The following UGT3A2 variants were observed in gnomAD, a reference collection of about 807,000 sequenced individuals.
UGT3A2 encodes UDP glycosyltransferase family 3 member A2, also known as UDP-glycosyltransferase 3A2.
In UGT3A2, 32 loss-of-function variants were observed where a neutral mutation model predicts 39.8. The observed-to-expected ratio is 0.80, with a 90% CI of 0.61 to 1.08. UGT3A2 has a LOEUF of 1.08. UGT3A2 is among the 50% of genes least tolerant of loss of function. The probability of loss-of-function intolerance (pLI) is 0.00; values close to 1 mark genes in which losing one functional copy is unlikely to be tolerated. For synonymous variants in UGT3A2, 241 were observed against 230.7 expected (o/e 1.04, Z -0.40); for missense variants, 611 against 637.1 (o/e 0.96, Z 0.44).
At chr5:36,062,577 G>A (rs1157634532) in intron 2 of UGT3A2, among the ~76,000 whole-genome samples, 1 of 151,390 alleles carries the variant, frequency 6.6e-6, no homozygotes, top group Non-Finnish European at 1.5e-5. Context: ...ATTTCTGAGG[G>A]CTCTGTTCTG....
At chr5:36,062,292 G>A (rs1231112601) in intron 2 of UGT3A2, among the ~76,000 whole-genome samples, 1 of 148,386 alleles carries the variant, frequency 6.7e-6, no homozygotes, top group East Asian at 2.0e-4. Context: ...ATTGCTTTTG[G>A]TGTTTTAGAC....
chr5:36,053,265 T>G (rs1742405663), intron 2 of UGT3A2, among the ~76,000 whole-genome samples: 7 of 152,208 alleles, frequency 4.6e-5, no homozygotes. Context: ...GTCCCTCACT[T>G]AAATTCCAAA....
At position 36,035,713 on chromosome 5, in the gene UGT3A2, C is replaced by T. The variant is rs769899242; in HGVS notation, c.1557G>A (p.Lys519=). ...MAVWWLRGAR[K]VKET ...GCACCTGGCCTTATGTCTCCTTCAC[C>T]TTTCTGGCCCCACGCAGCCACCAGA... Residue 519 remains lysine (K), a synonymous_variant, in exon 7 of 7, where the codon AAG becomes AAA. Transcript: ENST00000282507. The T allele has an allele frequency of 1.3e-5, 21 of 1,613,998 alleles. No individual in the cohort carries two copies. The Admixed American group carries it at 3.5e-4, about 27-fold the overall frequency.
At chr5:36,065,208 G>A (rs1474603819) in intron 1 of UGT3A2, among the ~76,000 whole-genome samples, 1 of 152,014 alleles carries the variant, frequency 6.6e-6, no homozygotes, top group Non-Finnish European at 1.5e-5. Context: ...AGAAGGTAAT[G>A]TAATAGTAAA....
chr5:36,064,563 C>T (rs992884220), intron 1 of UGT3A2, among the ~76,000 whole-genome samples: 15 of 152,136 alleles, frequency 9.9e-5, no homozygotes, highest in African/African-American at 3.4e-4. Flanking sequence ...GGCTCTGGTC[C>T]GTGAGAGATT....
chr5:36,044,973 G>A (rs1333877251), intron 4 of UGT3A2, among the ~76,000 whole-genome samples: 1 of 151,972 alleles, frequency 6.6e-6, no homozygotes, highest in Non-Finnish European at 1.5e-5. Context: ...CACAGAATGA[G>A]GAAAAATAAT....
At chr5:36,058,337 T>C (rs1018932775) in intron 2 of UGT3A2, among the ~76,000 whole-genome samples, 7 of 152,032 alleles carry the variant, frequency 4.6e-5, no homozygotes, top group African/African-American at 1.7e-4. Context: ...AACAGAGAAA[T>C]AGAATATGGT....
chr5:36,064,677 T>A (rs1742824412), intron 1 of UGT3A2, among the ~76,000 whole-genome samples: 1 of 152,154 alleles, frequency 6.6e-6, no homozygotes, highest in African/African-American at 2.4e-5. Context: ...ACTAAGGCCT[T>A]ATGGAGACAC....
Position 36,066,872 on chromosome 5 carries a change from C to T in UGT3A2, c.-83G>A. ...AAGGGACCCTGTGCACCTCAGTGCG[C>T]CAAAGGCACTGGCTGTGGGTAGAGG... On this transcript the variant is annotated 5_prime_UTR_variant, in exon 1 of 7. Transcript: ENST00000282507. 6.7e-7 allele frequency: 1 copy of T among 1,503,330 alleles called. No homozygotes were observed. Among genetic ancestry groups the T allele is most frequent in the East Asian group, 2.3e-5 (1 of 44,288 alleles). 93.1% of individuals were successfully genotyped at this position (1,503,330 alleles called of 1,614,324 possible).
chr5:36,066,761 A>T lies in UGT3A2; in HGVS notation c.29T>A (p.Val10Glu). MAGQRVLLL[V>E]GFLLPGVLLS... ...CAGGACCCCAGGGAGAAGGAAGCCC[A>T]CTAGAAGAAGCACTCGCTGCCCAGC... The change falls in exon 1 of 7, where the codon GTG (valine) becomes GAG (glutamate). Residue 10 changes from valine (V) to glutamate (E), a missense_variant. By Grantham distance (121) the Val-to-Glu change is moderately radical. Coordinates refer to ENST00000282507, the MANE Select transcript of UGT3A2 (RefSeq NM_174914.4). 6.2e-7 allele frequency: 1 copy of T among 1,614,208 alleles called. No homozygotes were observed. The highest frequency in any genetic ancestry group is 1.1e-5 in the South Asian group (1 of 91,090).
chr5:36,055,719 G>A (rs1742489817), intron 2 of UGT3A2, among the ~76,000 whole-genome samples: 1 of 152,020 alleles, frequency 6.6e-6, no homozygotes, highest in Admixed American at 6.6e-5. Flanking sequence ...CCAACTCCAT[G>A]TGCCTCCTCT....
rs1231893539 is a variant in UGT3A2 at position 36,039,476 on chromosome 5, C to T, written c.1075+1G>A. ...GAGGAGCAGTCCTGGGCAGCCCTTA[C>T]CCAGGAGGTCACTCTGAGGAAGCCA... On this transcript the variant is annotated splice_donor_variant, in intron 5 of 6. Coordinates refer to ENST00000282507, the MANE Select transcript of UGT3A2 (RefSeq NM_174914.4). LOFTEE classifies it high-confidence loss of function. 1.2e-6 allele frequency: 2 copies of T among 1,613,792 alleles called. No individual in the cohort carries two copies. Among genetic ancestry groups the T allele is most frequent in the Non-Finnish European group, 1.7e-6 (2 of 1,179,990 alleles).
At chr5:36,064,113 A>G in intron 2 of UGT3A2, 136 bp downstream of exon 2, 1 of 783,554 alleles carries the variant, frequency 1.3e-6, no homozygotes, top group South Asian at 2.0e-5. Context: ...GGCACTTTAC[A>G]TACACACACA....
At position 36,043,195 on chromosome 5, in the gene UGT3A2, A is replaced by G. The variant is rs1010408497; in HGVS notation, c.844-3487T>C. Among the ~76,000 whole-genome samples, 9 of 152,122 alleles carry G rather than the reference A, an allele frequency of 5.9e-5. 1 individual carries two copies. The highest frequency in any genetic ancestry group is 5.9e-4 in the Admixed American group (9 of 15,278). Reference sequence around the variant, plus strand: ...TATATCAACTACCTTCTTAGGCCACAATGGAATAAAACTATAAGTCAATAA... The same window carrying G: ...TATATCAACTACCTTCTTAGGCCACGATGGAATAAAACTATAAGTCAATAA... On this transcript the variant is annotated intron_variant, in intron 4 of 6. Coordinates refer to ENST00000282507, the MANE Select transcript of UGT3A2 (RefSeq NM_174914.4).
chr5:36,049,043 G>A lies in UGT3A2; in HGVS notation c.689C>T (p.Thr230Ile), dbSNP rs775070527. The change falls in exon 4 of 7, where the codon ACA (threonine) becomes ATA (isoleucine). Residue 230 changes from threonine to isoleucine, a missense_variant. Physicochemically the swap from Thr to Ile is moderately conservative, Grantham distance 89 (BLOSUM62 -1). Transcript: ENST00000282507. ...TFDNTIKEHF[T>I]EGSRPVLSHL... ...AGACAAAACTGGCCTAGAGCCTTCTGTGAAATGTTCCTTGATGGTGTTGTC... is the reference window on the plus strand; with the variant it reads ...AGACAAAACTGGCCTAGAGCCTTCTATGAAATGTTCCTTGATGGTGTTGTC... 6.2e-7 allele frequency: 1 copy of A among 1,614,190 alleles called. No homozygotes were observed. The highest frequency in any genetic ancestry group is 8.5e-7 in the Non-Finnish European group (1 of 1,180,044).
chr5:36,039,929 A>G lies in UGT3A2; in HGVS notation c.844-221T>C, dbSNP rs909687484. Among the ~76,000 whole-genome samples the G allele has an allele frequency of 2.6e-5, 4 of 152,106 alleles. No individual in the cohort carries two copies. The East Asian group carries it at 7.7e-4, about 29-fold the overall frequency. On this transcript the variant is annotated intron_variant, in intron 4 of 6. Transcript: ENST00000282507. Reference sequence around the variant, plus strand: ...TTCTTGAAACCCTGACCCTACTATCAGGCCTTTCTTGACCTTCCACCCATT... The same window carrying G: ...TTCTTGAAACCCTGACCCTACTATCGGGCCTTTCTTGACCTTCCACCCATT...
intron 4 of UGT3A2, among the ~76,000 whole-genome samples, chr5:36,042,857 C>T (rs564411951): frequency 2.5e-4 from 38 of 152,056 alleles, no homozygotes; most frequent in Admixed American, 9.2e-4. Context: ...AATATATAGG[C>T]ACTCAAAACT....
chr5:36,048,181 TATG>T (rs147020526), intron 4 of UGT3A2, among the ~76,000 whole-genome samples: 1,733 of 152,314 alleles, frequency 0.011, 44 homozygotes, highest in African/African-American at 0.04. Flanking sequence ...GGATATTAAA[TATG>T]ATAACTTCTG....
At position 36,037,306 on chromosome 5, in the gene UGT3A2, T is replaced by A. The variant is rs118078372; in HGVS notation, c.1295+491A>T. Among the ~76,000 whole-genome samples, 7 of 151,814 alleles carry A rather than the reference T, an allele frequency of 4.6e-5. No homozygotes were observed. In the East Asian group the frequency reaches 1.4e-3, roughly 29 times the overall value. On this transcript the variant is annotated intron_variant, in intron 6 of 6. Coordinates refer to ENST00000282507, the MANE Select transcript of UGT3A2 (RefSeq NM_174914.4). The stretch of plus-strand genomic sequence containing the variant: ...TAAGAAGGAAATGATGTAACTGGGG[T>A]AGGTGGGAGAAGAAGTTACTCAGGA...
Sources: allele counts gnomAD v4.1 joint callset (sites outside exome capture counted in the v4.1 genomes callset), GRCh38; gene constraint gnomAD v4.1.1; transcripts MANE v1.5; gene names NCBI Gene and HGNC (gene_info 2026-07-23, HGNC 2026-07-21).